LRRK2: variants seen among roughly 807,000 people sequenced by gnomAD.
LRRK2 encodes the protein leucine rich repeat kinase 2.
LRRK2 carries 203 observed loss-of-function variants against 302.6 expected under a neutral mutation model. That is an observed-to-expected ratio of 0.67 (90% confidence interval 0.60 to 0.75). LRRK2 has a LOEUF of 0.75. Ranked by LOEUF, LRRK2 falls within the 30% of genes least tolerant of loss-of-function variation. The pLI is 0.00. For synonymous variants in LRRK2, 1,066 were observed against 1,031.9 expected (o/e 1.03, Z -0.63); for missense variants, 2,830 against 2,951.0 (o/e 0.96, Z 0.95).
intron 28 of LRRK2, among the ~76,000 whole-genome samples, chr12:40,307,922 C>G (rs1306173332): frequency 6.6e-6 from 1 of 151,612 alleles, no homozygotes; most frequent in Non-Finnish European, 1.5e-5. Flanking sequence ...GCTGGAATTA[C>G]AGGCACCTGC....
At chr12:40,356,866 T>G (rs926250286) in intron 46 of LRRK2, among the ~76,000 whole-genome samples, 3 of 152,240 alleles carry the variant, frequency 2.0e-5, no homozygotes, top group African/African-American at 7.2e-5. Context: ...GATATGTTGT[T>G]ACATGCATAG....
intron 6 of LRRK2, among the ~76,000 whole-genome samples, chr12:40,242,391 A>G (rs949141135): frequency 1.3e-5 from 2 of 152,110 alleles, no homozygotes; most frequent in South Asian, 2.1e-4. Flanking sequence ...TGTTTTCTCC[A>G]TGTAGGTTCA....
chr12:40,244,714 C>T (rs1300493631), intron 7 of LRRK2, among the ~76,000 whole-genome samples: 1 of 120,452 alleles, frequency 8.3e-6, no homozygotes, highest in African/African-American at 3.3e-5. Context: ...CCTTGAACAT[C>T]ACACTCTGGG....
chr12:40,239,538 A>G (rs191920132), intron 5 of LRRK2, among the ~76,000 whole-genome samples: 3 of 152,288 alleles, frequency 2.0e-5, no homozygotes, highest in Non-Finnish European at 4.4e-5. Context: ...AATGTTACAA[A>G]GAAGAATGTT....
chr12:40,268,745 A>G, intron 14 of LRRK2, among the ~76,000 whole-genome samples: 1 of 152,164 alleles, frequency 6.6e-6, no homozygotes, highest in East Asian at 1.9e-4. Flanking sequence ...AATCAAATGT[A>G]TTATACAATT....
intron 31 of LRRK2, among the ~76,000 whole-genome samples, chr12:40,310,860 A>T (rs934536560): frequency 2.0e-5 from 3 of 152,112 alleles, no homozygotes; most frequent in Non-Finnish European, 4.4e-5. Flanking sequence ...TAATTAGAGG[A>T]ACCTGAGAGA....
At chr12:40,271,092 T>C (rs1008555545) in intron 14 of LRRK2, among the ~76,000 whole-genome samples, 2 of 152,088 alleles carry the variant, frequency 1.3e-5, no homozygotes, top group African/African-American at 4.8e-5. Context: ...ATCTAAATTT[T>C]TCTCTTTCAT....
At position 40,232,297 on chromosome 12, in the gene LRRK2, A is replaced by G. The variant is rs955235713; in HGVS notation, c.261A>G (p.Lys87=). The G allele has an allele frequency of 1.5e-5, 24 of 1,614,034 alleles. No homozygotes were observed. The highest frequency in any genetic ancestry group is 2.7e-5 in the African/African-American group (2 of 75,034). ...AGGTGGGTTGGTCACTTCTGTGCAAATTAATAGAAGTCTGTCCAGGTACAA... is the reference window on the plus strand; with the variant it reads ...AGGTGGGTTGGTCACTTCTGTGCAAGTTAATAGAAGTCTGTCCAGGTACAA... ...VQQVGWSLLC[K]LIEVCPGTMQ... Residue 87 remains lysine (K), a synonymous_variant, in exon 3 of 51, where the codon AAA becomes AAG. Coordinates refer to ENST00000298910, the MANE Select transcript of LRRK2 (RefSeq NM_198578.4).
chr12:40,333,106 A>T (rs1452453322), intron 39 of LRRK2, among the ~76,000 whole-genome samples: 1 of 152,060 alleles, frequency 6.6e-6, no homozygotes, highest in Non-Finnish European at 1.5e-5. Context: ...CTTTTCCAGG[A>T]TAGAAAATTT....
chr12:40,319,905 G>A (rs1945345910), intron 33 of LRRK2, 83 bp from the exon 34 acceptor site: 3 of 1,341,478 alleles, frequency 2.2e-6, no homozygotes, highest in African/African-American at 1.5e-5. Context: ...TACTTTCACT[G>A]AGCAAAGAGA....
Position 40,245,010 on chromosome 12 carries a change from A to G in LRRK2, c.838+1329A>G, listed in dbSNP as rs567819669. Reference sequence around the variant, plus strand: ...GTTTTTTGCAAGAGTGAAAAAAAAAAAAAAAAGAAAATACCTTCCCTTGAC... The same window carrying G: ...GTTTTTTGCAAGAGTGAAAAAAAAAGAAAAAAGAAAATACCTTCCCTTGAC... On this transcript the variant is annotated intron_variant, in intron 7 of 50. Coordinates refer to ENST00000298910, the MANE Select transcript of LRRK2 (RefSeq NM_198578.4). Among the ~76,000 whole-genome samples, 20 of 151,676 alleles carry G rather than the reference A, an allele frequency of 1.3e-4. No homozygotes were observed. The East Asian group carries it at 3.7e-3, about 28-fold the overall frequency.
intron 44 of LRRK2, among the ~76,000 whole-genome samples, chr12:40,353,055 A>G: frequency 6.7e-6 from 1 of 149,932 alleles, no homozygotes; most frequent in Non-Finnish European, 1.5e-5. Flanking sequence ...GGCGCCCCCC[A>G]CCTCCCAGAC....
intron 18 of LRRK2, among the ~76,000 whole-genome samples, chr12:40,283,019 T>G (rs916606729): frequency 4.0e-5 from 6 of 151,214 alleles, no homozygotes; most frequent in Non-Finnish European, 7.4e-5. Flanking sequence ...ATGGGAGTAA[T>G]AATTGCTATG....
intron 47 of LRRK2, among the ~76,000 whole-genome samples, chr12:40,359,987 C>T (rs7303817): frequency 0.017 from 2,643 of 152,152 alleles, 80 homozygotes; most frequent in African/African-American, 0.058. Context: ...TTCAAGTTTG[C>T]TTTTTTTCAG....
At chr12:40,237,189 A>C (rs1448804835) in intron 4 of LRRK2, among the ~76,000 whole-genome samples, 1 of 152,168 alleles carries the variant, frequency 6.6e-6, no homozygotes. Flanking sequence ...AAAGGAGCTG[A>C]TGAGATACAT....
intron 3 of LRRK2, 89 bp downstream of exon 3, chr12:40,232,472 C>A: frequency 2.1e-6 from 2 of 935,660 alleles, no homozygotes; most frequent in South Asian, 1.3e-5. Flanking sequence ...GTTTGCAATC[C>A]AAGGCTACTC....
At chr12:40,252,801 T>C (rs1342416275) in intron 10 of LRRK2, 109 bp from the exon 11 acceptor site, 2 of 739,880 alleles carry the variant, frequency 2.7e-6, no homozygotes, top group African/African-American at 1.7e-5. Context: ...GCATGAAATA[T>C]TGTTTATATG....
intron 11 of LRRK2, among the ~76,000 whole-genome samples, chr12:40,254,610 C>T (rs1942419748): frequency 6.6e-6 from 1 of 152,178 alleles, no homozygotes. Flanking sequence ...TTACTATGTA[C>T]AGACAACATT....
At chr12:40,302,334 AT>A (rs1281655734) in intron 25 of LRRK2, among the ~76,000 whole-genome samples, 1 of 152,110 alleles carries the variant, frequency 6.6e-6, no homozygotes, top group Non-Finnish European at 1.5e-5. Flanking sequence ...AACACCCATT[AT>A]TATTCCATAG....
Sources: allele counts gnomAD v4.1 joint callset (sites outside exome capture counted in the v4.1 genomes callset), GRCh38; gene constraint gnomAD v4.1.1; transcripts MANE v1.5; gene names NCBI Gene and HGNC (gene_info 2026-07-23, HGNC 2026-07-21).